Variants in ARL10 observed in about 807,000 individuals in gnomAD.
The protein encoded by ARL10 is ARF like GTPase 10, also known as ADP-ribosylation factor-like protein 10.
In ARL10, 23 loss-of-function variants were observed where a neutral mutation model predicts 26.1. The observed-to-expected ratio is 0.88, with a 90% confidence interval of 0.63 to 1.25. ARL10 has a LOEUF of 1.25. Ranked by LOEUF, ARL10 falls within the 50% of genes most tolerant of loss-of-function variation. The pLI is 0.00. For missense variants in ARL10, 300 were observed against 323.6 expected, an observed-to-expected ratio of 0.93 and a Z score of 0.56; for synonymous variants, 138 against 149.1, an observed-to-expected ratio of 0.93 and a Z score of 0.54.
chr5:176,398,021 G>A lies in ARL10; in HGVS notation c.134-3720G>A, dbSNP rs769322876. 1.6e-5 allele frequency: 26 copies of A among 1,613,862 alleles called. No individual in the cohort carries two copies. The Middle Eastern group carries it at 4.9e-4, about 31-fold the overall frequency. ...GCCTGTCAGCCTGGGCAATGGCTGC[G>A]TAGCCATCAGCAGGACCGTTGGCCT... On this transcript the variant is annotated intron_variant, in intron 1 of 1. Coordinates refer to the ARL10 transcript ENST00000514533.
At chr5:176,390,794 A>G (rs140038867), downstream of ARL10, among the ~76,000 whole-genome samples, 181 of 152,286 alleles carry the variant, frequency 1.2e-3, 1 homozygote, top group African/African-American at 4.1e-3. Flanking sequence ...ACAGGCTCAG[A>G]GAAGCAGTCT....
the ARL10 span, among the ~76,000 whole-genome samples, chr5:176,412,981 C>T: frequency 6.6e-6 from 1 of 151,398 alleles, no homozygotes; most frequent in African/African-American, 2.4e-5. Context: ...CAACCCCAGT[C>T]TCAGACCCCA....
downstream of ARL10, chr5:176,386,168 GTTTT>G (rs1343929575): frequency 1.3e-5 from 2 of 156,332 alleles, no homozygotes; most frequent in African/African-American, 4.8e-5. Context: ...ACTTTTATGT[GTTTT>G]TTAACCACAT....
intron 1 of ARL10, chr5:176,396,354 C>T (rs1406469686): frequency 2.3e-6 from 2 of 880,184 alleles, no homozygotes; most frequent in Non-Finnish European, 1.9e-6. Context: ...GCATTTGCCT[C>T]CTGTTCTGAC....
chr5:176,388,807 C>T (rs760270934), downstream of ARL10: 21 of 1,611,210 alleles, frequency 1.3e-5, no homozygotes, highest in South Asian at 2.2e-4. Flanking sequence ...TCTCCTGCTG[C>T]TGTGGCCCGG....
At chr5:176,404,158 G>T (rs1422715607), downstream of ARL10, among the ~76,000 whole-genome samples, 1 of 152,198 alleles carries the variant, frequency 6.6e-6, no homozygotes, top group Non-Finnish European at 1.5e-5. Flanking sequence ...TGAATTGCTG[G>T]GTGTGACTCG....
chr5:176,412,310 G>T, the ARL10 span, among the ~76,000 whole-genome samples: 1 of 152,056 alleles, frequency 6.6e-6, no homozygotes, highest in South Asian at 2.1e-4. Flanking sequence ...CTCACTTCCG[G>T]GGTATCCCAG....
the ARL10 span, among the ~76,000 whole-genome samples, chr5:176,411,958 C>T: frequency 7.2e-5 from 11 of 151,914 alleles, no homozygotes; most frequent in Non-Finnish European, 7.4e-5. Flanking sequence ...GGGCAGATCA[C>T]GAAGTCAGGA....
At chr5:176,404,167 C>T (rs1234319120), downstream of ARL10, among the ~76,000 whole-genome samples, 3 of 152,212 alleles carry the variant, frequency 2.0e-5, no homozygotes, top group Non-Finnish European at 4.4e-5. Flanking sequence ...GGGTGTGACT[C>T]GCCACATAGT....
At position 176,368,797 on chromosome 5, in the gene ARL10, C is replaced by G. The variant is rs1389805261; in HGVS notation, c.386-10C>G. 6.2e-7 allele frequency: 1 copy of G among 1,603,836 alleles called. No individual in the cohort carries two copies. The highest frequency in any genetic ancestry group is 1.3e-5 in the African/African-American group (1 of 74,742). ...GGGAGGCTCTGAGCTGGCCCCTGGC[C>G]TCTCCTCAGTTGGGGGCAGCCAGAA... is the stretch of plus-strand genomic sequence containing the variant. On this transcript the variant is annotated splice_polypyrimidine_tract_variant and intron_variant, in intron 2 of 3. Transcript: ENST00000310389. This position sits in a 1 kb window ranked among gnomAD's most constrained non-coding sequence, Gnocchi z 4.1.
downstream of ARL10, chr5:176,386,902 G>C (rs771970692): frequency 6.2e-7 from 1 of 1,613,950 alleles, no homozygotes; most frequent in East Asian, 2.2e-5. Flanking sequence ...CACCTCCATG[G>C]CCTTCACCTG....
At chr5:176,399,360 T>C (rs923514267) in intron 1 of ARL10, among the ~76,000 whole-genome samples, 26 of 152,200 alleles carry the variant, frequency 1.7e-4, no homozygotes, top group Admixed American at 1.6e-3. Flanking sequence ...AGCCAGGCTG[T>C]CTCGGTTCAG....
rs527669683 is a variant in ARL10, at chr5:176,369,852, T to C, written c.561+870T>C. Among the ~76,000 whole-genome samples the C allele has an allele frequency of 5.3e-5, 8 of 151,576 alleles. No homozygotes were observed. The South Asian group carries it at 1.7e-3, about 32-fold the overall frequency. ...TGCCTGCCTATAGTGCCAGCTACTT[T>C]AGAGGCTGAGGCAGAAAGATCACTT... is the stretch of plus-strand genomic sequence containing the variant. On this transcript the variant is annotated intron_variant, in intron 3 of 3. Coordinates refer to ENST00000310389, the MANE Select transcript of ARL10 (RefSeq NM_173664.6).
the ARL10 span, chr5:176,410,148 A>T: frequency 1.0e-6 from 1 of 959,508 alleles, no homozygotes; most frequent in South Asian, 1.5e-5. Context: ...AATGCATCAG[A>T]CATAATGAAC....
chr5:176,414,377 C>A, the ARL10 span, among the ~76,000 whole-genome samples: 2 of 152,094 alleles, frequency 1.3e-5, no homozygotes, highest in Non-Finnish European at 2.9e-5. Flanking sequence ...GCAAAAGACC[C>A]CATGCTTCTC....
rs1317490623 is a variant in ARL10, at chr5:176,368,133, A to T, written c.386-674A>T. ...ACTAGGGTGCGGGGTGACCAATGGG[A>T]CTGTGCAGAGGAGCAGAGAGGAAAA... On this transcript the variant is annotated intron_variant, in intron 2 of 3. Transcript: ENST00000310389. This position sits in a 1 kb window ranked among gnomAD's most constrained non-coding sequence, Gnocchi z 4.1. 2.2e-6 allele frequency: 1 copy of T among 463,512 alleles called. No homozygotes were observed. Among genetic ancestry groups the T allele is most frequent in the African/African-American group, 2.0e-5 (1 of 49,800 alleles). 28.7% of individuals were successfully genotyped at this position (463,512 alleles called of 1,614,324 possible).
chr5:176,376,537 C>T lies in ARL10; in HGVS notation c.*4642C>T, dbSNP rs1038783284. On this transcript the variant is annotated 3_prime_UTR_variant, in exon 4 of 4. Transcript: ENST00000310389. ...CTAGAGCATTAGCCTTTGCTAAAGCCGGCCCCAGATTATGGTCCCACGGAT... is the reference window on the plus strand; with the variant it reads ...CTAGAGCATTAGCCTTTGCTAAAGCTGGCCCCAGATTATGGTCCCACGGAT... The T allele has an allele frequency of 3.9e-5, 6 of 152,108 alleles. No individual in the cohort carries two copies. The highest frequency in any genetic ancestry group is 1.2e-4 in the African/African-American group (5 of 41,392). 9.4% of individuals were successfully genotyped at this position (152,108 alleles called of 1,614,324 possible).
downstream of ARL10, among the ~76,000 whole-genome samples, chr5:176,391,152 C>G (rs1425880749): frequency 1.3e-5 from 2 of 152,182 alleles, no homozygotes; most frequent in Non-Finnish European, 2.9e-5. Flanking sequence ...CTTGCCTCCA[C>G]CATGTTCTCT....
At position 176,380,153 on chromosome 5, in the gene ARL10, T is replaced by C. The variant is rs1322832655; in HGVS notation, c.*8258T>C. The C allele has an allele frequency of 6.6e-6, 1 of 152,202 alleles. No individual in the cohort carries two copies. The highest frequency in any genetic ancestry group is 2.4e-5 in the African/African-American group (1 of 41,436). 9.4% of individuals were successfully genotyped at this position (152,202 alleles called of 1,614,324 possible). A position where few individuals can be genotyped will look rare whatever the true frequency, so the allele number is the denominator to read the frequency against. On this transcript the variant is annotated 3_prime_UTR_variant, in exon 4 of 4. Coordinates refer to ENST00000310389, the MANE Select transcript of ARL10 (RefSeq NM_173664.6). Reference sequence around the variant, plus strand: ...AAAGGTAACTGAGCAAAAGGGTTACTGTACTCAAAGCATCGAGGCAAAGAA... The same window carrying C: ...AAAGGTAACTGAGCAAAAGGGTTACCGTACTCAAAGCATCGAGGCAAAGAA...
Sources: allele counts gnomAD v4.1 joint callset (sites outside exome capture counted in the v4.1 genomes callset), GRCh38; gene constraint gnomAD v4.1.1; non-coding constraint Gnocchi (gnomAD v3.1); transcripts MANE v1.5; gene names NCBI Gene and HGNC (gene_info 2026-07-23, HGNC 2026-07-21).